Variants in GNA14 observed in about 807,000 individuals in gnomAD.
GNA14 encodes guanine nucleotide-binding protein subunit alpha-14.
A neutral mutation model predicts 42.0 loss-of-function variants in GNA14; 50 were observed. That is an observed-to-expected ratio of 1.19 (90% CI 0.95 to 1.51). The LOEUF (loss-of-function observed/expected upper bound fraction) is 1.51. Ranked by LOEUF, GNA14 falls within the 40% of genes most tolerant of loss-of-function variation. GNA14 has a pLI of 0.00. For synonymous variants in GNA14, 173 were observed against 163.1 expected, an observed-to-expected ratio of 1.06 and a Z score of -0.46; for missense variants, 473 against 446.2, an observed-to-expected ratio of 1.06 and a Z score of -0.54.
chr9:77,555,633 C>T (rs995675011), intron 1 of GNA14, among the ~76,000 whole-genome samples: 31 of 152,166 alleles, frequency 2.0e-4, no homozygotes, highest in Non-Finnish European at 2.8e-4. Flanking sequence ...GTTCTTTCAA[C>T]TTTCCTGCAG....
In GNA14 at chr9:77,466,608, A is replaced by G. The variant is rs200942563; in HGVS notation, c.310-32086T>C. ...AAAGTTCAACCTCTGGGGCCTTCCA[A>G]GCCTGTTTTTTGTTTGTTTGTTTGT... On this transcript the variant is annotated intron_variant, in intron 2 of 6. Transcript: ENST00000341700. 1.3e-4 allele frequency among the ~76,000 whole-genome samples: 19 copies of G among 149,632 alleles called. No homozygotes were observed. In the East Asian group the frequency reaches 3.3e-3, roughly 26 times the overall value.
intron 1 of GNA14, among the ~76,000 whole-genome samples, chr9:77,571,282 A>G (rs1358699632): frequency 1.3e-5 from 2 of 152,246 alleles, no homozygotes; most frequent in Non-Finnish European, 2.9e-5. Flanking sequence ...TAAGTTCTCA[A>G]TAAGAGGAAT....
At chr9:77,603,663 C>G (rs7856427) in intron 1 of GNA14, among the ~76,000 whole-genome samples, 90,574 of 151,640 alleles carry the variant, frequency 0.6, 27,146 homozygotes, top group East Asian at 0.68. Flanking sequence ...CAATGTGTCA[C>G]GGGAGTCAAA....
chr9:77,606,034 G>T (rs1174173549), intron 1 of GNA14, among the ~76,000 whole-genome samples: 1 of 152,124 alleles, frequency 6.6e-6, no homozygotes, highest in Non-Finnish European at 1.5e-5. Flanking sequence ...AAACAATGAA[G>T]TGGTTCAGGA....
At chr9:77,606,329 G>T (rs964107336) in intron 1 of GNA14, among the ~76,000 whole-genome samples, 1 of 152,140 alleles carries the variant, frequency 6.6e-6, no homozygotes, top group Non-Finnish European at 1.5e-5. Flanking sequence ...TTAAGTGTAA[G>T]TATTTCCAAA....
chr9:77,463,301 A>G (rs1836148865), intron 2 of GNA14, among the ~76,000 whole-genome samples: 1 of 152,322 alleles, frequency 6.6e-6, no homozygotes, highest in South Asian at 2.1e-4. Context: ...CAGCTGACAC[A>G]CTTCAGGCAA....
At chr9:77,632,677 C>A (rs3905110) in intron 1 of GNA14, among the ~76,000 whole-genome samples, 43,489 of 152,088 alleles carry the variant, frequency 0.29, 7,471 homozygotes, top group African/African-American at 0.48. Context: ...CCAGTGCCAG[C>A]AGTGGAAGCT....
intron 2 of GNA14, among the ~76,000 whole-genome samples, chr9:77,502,464 C>A (rs1451024988): frequency 6.6e-6 from 1 of 152,206 alleles, no homozygotes; most frequent in Non-Finnish European, 1.5e-5. Flanking sequence ...ACTACAGGGG[C>A]TCCTCGATCC....
chr9:77,537,278 G>A (rs1410123571), intron 1 of GNA14, among the ~76,000 whole-genome samples: 1 of 151,654 alleles, frequency 6.6e-6, no homozygotes, highest in Non-Finnish European at 1.5e-5. Flanking sequence ...TTCTATTCTC[G>A]GCTCCACAAG....
intron 1 of GNA14, among the ~76,000 whole-genome samples, chr9:77,540,496 A>G (rs548955393): frequency 9.9e-5 from 15 of 152,264 alleles, no homozygotes; most frequent in African/African-American, 1.4e-4. Context: ...AATTTGGTCT[A>G]AAGTCCAGAT....
chr9:77,555,964 G>T (rs914516208), intron 1 of GNA14, among the ~76,000 whole-genome samples: 7 of 152,282 alleles, frequency 4.6e-5, no homozygotes, highest in African/African-American at 1.4e-4. Context: ...CACACATAAG[G>T]CCGGGCACAG....
At chr9:77,432,869 G>C (rs74723268) in intron 3 of GNA14, among the ~76,000 whole-genome samples, 9,014 of 152,244 alleles carry the variant, frequency 0.059, 342 homozygotes, top group Middle Eastern at 0.085. Flanking sequence ...GTATGGCTCA[G>C]GAACGTCGTA....
chr9:77,642,552 G>T (rs1824283751), intron 1 of GNA14, among the ~76,000 whole-genome samples: 1 of 152,120 alleles, frequency 6.6e-6, no homozygotes, highest in South Asian at 2.1e-4. Context: ...GATCACTTGA[G>T]GTCAGGAGTT....
chr9:77,433,180 C>T (rs1835585881), intron 3 of GNA14, among the ~76,000 whole-genome samples: 2 of 152,138 alleles, frequency 1.3e-5, no homozygotes, highest in Admixed American at 1.3e-4. Flanking sequence ...CAGAGGGTGA[C>T]AGTGGCACCC....
chr9:77,543,602 G>T (rs1037720069), intron 1 of GNA14, among the ~76,000 whole-genome samples: 5 of 152,150 alleles, frequency 3.3e-5, no homozygotes, highest in Non-Finnish European at 5.9e-5. Context: ...AGCGCCTCTC[G>T]CTGGTAGAAA....
At chr9:77,614,073 A>G (rs762135588) in intron 1 of GNA14, among the ~76,000 whole-genome samples, 1 of 152,216 alleles carries the variant, frequency 6.6e-6, no homozygotes. Flanking sequence ...GTGATTTAAC[A>G]CAATTAAAAC....
At chr9:77,468,877 C>G (rs1836280461) in intron 2 of GNA14, among the ~76,000 whole-genome samples, 1 of 152,216 alleles carries the variant, frequency 6.6e-6, no homozygotes, top group South Asian at 2.1e-4. Context: ...GTCACTGAGA[C>G]TTGAGTATTG....
chr9:77,524,148 A>T (rs1837400108), intron 2 of GNA14, among the ~76,000 whole-genome samples: 1 of 152,250 alleles, frequency 6.6e-6, no homozygotes, highest in Non-Finnish European at 1.5e-5. Flanking sequence ...AGGTTTATCA[A>T]CAGAGTGAGC....
chr9:77,438,330 G>C (rs1246682515), intron 2 of GNA14, among the ~76,000 whole-genome samples: 1 of 151,766 alleles, frequency 6.6e-6, no homozygotes, highest in South Asian at 2.1e-4. Context: ...ACAACGGCGC[G>C]ATCTCAGCTC....
Sources: gnomAD v4.1 joint callset for allele counts (sites outside exome capture counted in the v4.1 genomes callset) on GRCh38, gnomAD v4.1.1 for gene constraint, MANE v1.5 for transcripts, NCBI Gene and HGNC (gene_info 2026-07-23, HGNC 2026-07-21) for gene names.